KIAA1958: variants seen among roughly 807,000 people sequenced by gnomAD.
KIAA1958 encodes the protein KIAA1958.
In KIAA1958, 14 loss-of-function variants were observed where a neutral mutation model predicts 47.2. That is an observed-to-expected ratio of 0.30 (90% confidence interval 0.20 to 0.46). The LOEUF is 0.46. KIAA1958 is among the 20% of genes least tolerant of loss of function. KIAA1958 has a pLI of 1.00. For missense variants in KIAA1958, 803 were observed against 909.2 expected, an observed-to-expected ratio of 0.88 and a Z score of 1.50; for synonymous variants, 354 against 353.3, an observed-to-expected ratio of 1.00 and a Z score of -0.02.
intron 2 of KIAA1958, among the ~76,000 whole-genome samples, chr9:112,576,857 C>T (rs1564178834): frequency 6.6e-6 from 1 of 152,012 alleles, no homozygotes; most frequent in Non-Finnish European, 1.5e-5. Context: ...TGGGTAACTA[C>T]CTAGGAGTGG....
At chr9:112,594,509 T>C (rs1207317690) in intron 2 of KIAA1958, among the ~76,000 whole-genome samples, 1 of 152,258 alleles carries the variant, frequency 6.6e-6, no homozygotes, top group African/African-American at 2.4e-5. Context: ...ATGTGGTTTC[T>C]TAGCATAATG....
intron 2 of KIAA1958, among the ~76,000 whole-genome samples, chr9:112,628,230 C>T (rs763499773): frequency 2.3e-4 from 35 of 152,242 alleles, no homozygotes; most frequent in Non-Finnish European, 4.1e-4. Flanking sequence ...GGGGTAATCT[C>T]CTGAACTTTA....
At chr9:112,531,907 G>C (rs1438105061) in intron 1 of KIAA1958, among the ~76,000 whole-genome samples, 1 of 152,234 alleles carries the variant, frequency 6.6e-6, no homozygotes, top group Non-Finnish European at 1.5e-5. Context: ...CAGAGTTGGA[G>C]ACCGAGGACC....
chr9:112,534,257 A>G (rs1010500415), intron 1 of KIAA1958, among the ~76,000 whole-genome samples: 6 of 152,182 alleles, frequency 3.9e-5, no homozygotes, highest in Admixed American at 2.6e-4. Context: ...CTTGTCACCA[A>G]AGGAGCCTAG....
intron 2 of KIAA1958, among the ~76,000 whole-genome samples, chr9:112,617,031 A>G (rs1182891992): frequency 1.3e-5 from 2 of 152,232 alleles, no homozygotes; most frequent in East Asian, 1.9e-4. Flanking sequence ...GAAGACAGCT[A>G]TTCTAGGGCA....
rs573807555 is a variant in KIAA1958 at position 112,577,709 on chromosome 9, C to T, written c.1171+2458C>T. On this transcript the variant is annotated intron_variant, in intron 2 of 3. Transcript: ENST00000337530. ...GTGGATAGTAAATGAGGCACTGAGG[C>T]GCTTTGCTAAACCATATATGAATAT... is the stretch of plus-strand genomic sequence containing the variant. 1.9e-4 allele frequency among the ~76,000 whole-genome samples: 29 copies of T among 150,758 alleles called. No homozygotes were observed. The East Asian group carries it at 3.0e-3, about 15-fold the overall frequency.
At chr9:112,613,442 C>T (rs1337154888) in intron 2 of KIAA1958, among the ~76,000 whole-genome samples, 1 of 151,506 alleles carries the variant, frequency 6.6e-6, no homozygotes, top group Non-Finnish European at 1.5e-5. Context: ...AAAATGTCTT[C>T]AACAGGAGGC....
intron 2 of KIAA1958, among the ~76,000 whole-genome samples, chr9:112,604,192 C>T (rs559641826): frequency 6.6e-6 from 1 of 152,174 alleles, no homozygotes; most frequent in East Asian, 1.9e-4. Flanking sequence ...TTTTTCCATG[C>T]CATCTTCTAA....
chr9:112,504,430 C>G (rs947300904), intron 1 of KIAA1958, among the ~76,000 whole-genome samples: 8 of 152,316 alleles, frequency 5.3e-5, no homozygotes, highest in Non-Finnish European at 1.0e-4. Flanking sequence ...CTCAAGTGAT[C>G]CACCGGCCTC....
chr9:112,525,059 A>G (rs1834617321), intron 1 of KIAA1958, among the ~76,000 whole-genome samples: 1 of 152,052 alleles, frequency 6.6e-6, no homozygotes, highest in Admixed American at 6.5e-5. Context: ...TAAGATTTTC[A>G]TTTGTATCTA....
intron 2 of KIAA1958, among the ~76,000 whole-genome samples, chr9:112,606,651 C>CAA (rs1323092013): frequency 1.3e-5 from 2 of 152,214 alleles, no homozygotes; most frequent in South Asian, 2.1e-4. Flanking sequence ...AAAACAACAG[C>CAA]TATTTAGAGT....
Position 112,519,677 on chromosome 9 carries a change from A to G in KIAA1958, c.-25+32559A>G, listed in dbSNP as rs116892521. 7.2e-5 allele frequency among the ~76,000 whole-genome samples: 11 copies of G among 152,292 alleles called. No homozygotes were observed. In the East Asian group the frequency reaches 1.3e-3, roughly 19 times the overall value. On this transcript the variant is annotated intron_variant, in intron 1 of 3. Coordinates refer to ENST00000337530, the MANE Select transcript of KIAA1958 (RefSeq NM_133465.4). ...GCAAAATAGGCATGCTGATTAGGAA[A>G]ACAAATCCCAAATCCTTCAGTTCTT...
chr9:112,628,013 AT>A (rs781441004), intron 2 of KIAA1958, among the ~76,000 whole-genome samples: 5 of 152,166 alleles, frequency 3.3e-5, no homozygotes, highest in Admixed American at 6.5e-5. Flanking sequence ...TCTACTACAC[AT>A]TGTTAAAATT....
chr9:112,526,389 G>C (rs1444933020), intron 1 of KIAA1958, among the ~76,000 whole-genome samples: 1 of 151,972 alleles, frequency 6.6e-6, no homozygotes, highest in East Asian at 1.9e-4. Context: ...AAGTAGCTGG[G>C]ATTACAGGTG....
intron 1 of KIAA1958, among the ~76,000 whole-genome samples, chr9:112,556,526 G>T (rs1403382861): frequency 6.6e-6 from 1 of 152,034 alleles, no homozygotes; most frequent in Non-Finnish European, 1.5e-5. Context: ...GTAGAGATAG[G>T]GTCTTACTGT....
rs1281906197 is a variant in KIAA1958 at position 112,667,876 on chromosome 9, G to T, written c.*7807G>T. The T allele has an allele frequency of 6.6e-6, 1 of 152,116 alleles. No homozygotes were observed. The highest frequency in any genetic ancestry group is 1.5e-5 in the Non-Finnish European group (1 of 68,024). 9.4% of individuals were successfully genotyped at this position (152,116 alleles called of 1,614,324 possible). On this transcript the variant is annotated 3_prime_UTR_variant, in exon 4 of 4. Coordinates refer to ENST00000337530, the MANE Select transcript of KIAA1958 (RefSeq NM_133465.4). ...TTGCTTAGTATCCTAATTTCAGTGG[G>T]CTCTGGGCTATTAAATACCAGGACA...
chr9:112,508,838 C>T (rs1240140594), intron 1 of KIAA1958, among the ~76,000 whole-genome samples: 2 of 151,958 alleles, frequency 1.3e-5, no homozygotes, highest in African/African-American at 2.4e-5. Flanking sequence ...GATTATTTGG[C>T]CCTGCTGACC....
intron 1 of KIAA1958, among the ~76,000 whole-genome samples, chr9:112,513,202 A>T (rs1834351055): frequency 7.3e-6 from 1 of 137,132 alleles, no homozygotes; most frequent in Non-Finnish European, 1.6e-5. Context: ...ACGGGGTTTC[A>T]CCATGTTGGC....
At chr9:112,547,928 T>C (rs1725235422) in intron 1 of KIAA1958, among the ~76,000 whole-genome samples, 1 of 152,028 alleles carries the variant, frequency 6.6e-6, no homozygotes, top group Non-Finnish European at 1.5e-5. Flanking sequence ...CCAGATACTT[T>C]TTTCTTTCTG....
Sources: gnomAD v4.1 joint callset for allele counts (sites outside exome capture counted in the v4.1 genomes callset) on GRCh38, gnomAD v4.1.1 for gene constraint, MANE v1.5 for transcripts, NCBI Gene and HGNC (gene_info 2026-07-23, HGNC 2026-07-21) for gene names.